The following DIP2B variants were observed in gnomAD, a reference collection of about 807,000 sequenced individuals.
DIP2B encodes DIP2 acetate--CoA ligase B (putative).
Under a neutral mutation model 198.0 loss-of-function variants are expected in DIP2B, and 76 were observed. The observed-to-expected ratio is 0.38, with a 90% CI of 0.32 to 0.46. The LOEUF (loss-of-function observed/expected upper bound fraction) is 0.46. Among genes scored for constraint, DIP2B ranks in the 20% least tolerant of loss-of-function variants. DIP2B has a pLI of 0.99. For synonymous variants in DIP2B, 701 were observed against 739.1 expected (o/e 0.95, Z 0.84); for missense variants, 1,559 against 1,978.4 (o/e 0.79, Z 4.02).
intron 1 of DIP2B, among the ~76,000 whole-genome samples, chr12:50,621,461 A>G (rs1213840216): frequency 1.3e-5 from 2 of 151,918 alleles, no homozygotes; most frequent in Admixed American, 6.6e-5. Context: ...CACCAAGTAC[A>G]CATGTCTGTT....
intron 1 of DIP2B, among the ~76,000 whole-genome samples, chr12:50,527,489 T>C (rs1958177185): frequency 6.6e-6 from 1 of 152,228 alleles, no homozygotes; most frequent in African/African-American, 2.4e-5. Context: ...ATAAAACTTG[T>C]GAAACATCTT....
chr12:50,660,253 T>C lies in DIP2B; in HGVS notation c.361T>C (p.Leu121=). Residue 121 remains leucine (L), a synonymous_variant, in exon 4 of 38, where the codon TTG becomes CTG. Transcript: ENST00000301180. ...LAKHKEQKMA[L]PMPTKRRSTF... ...AAAGCATAAAGAACAGAAGATGGCT[T>C]TGCCCATGCCAACCAAAAGGCGATC... The C allele has an allele frequency of 1.2e-6, 2 of 1,613,550 alleles. No homozygotes were observed. The highest frequency in any genetic ancestry group is 1.7e-6 in the Non-Finnish European group (2 of 1,179,746).
chr12:50,692,322 A>G (rs944429482), intron 13 of DIP2B, among the ~76,000 whole-genome samples: 3 of 151,826 alleles, frequency 2.0e-5, no homozygotes, highest in African/African-American at 7.3e-5. Flanking sequence ...TTTAGGAAGT[A>G]TCTTTTAGGA....
In DIP2B at chr12:50,744,800, T is replaced by G. The variant is rs1940318370; in HGVS notation, c.4692T>G (p.Ala1564=). 6.2e-7 allele frequency: 1 copy of G among 1,614,210 alleles called. No homozygotes were observed. The highest frequency in any genetic ancestry group is 1.3e-5 in the African/African-American group (1 of 75,062). ...QRMHLRDSFL[A]DQLDPIYVAY... ...TGCACCTCCGTGATAGCTTCCTAGC[T>G]GACCAGTTAGACCCCATCTACGTGG... Residue 1564 remains alanine (A), a synonymous_variant, in exon 38 of 38, where the codon GCT becomes GCG. Transcript: ENST00000301180.
chr12:50,508,923 C>T (rs1332440499), intron 1 of DIP2B, among the ~76,000 whole-genome samples: 1 of 152,096 alleles, frequency 6.6e-6, no homozygotes, highest in Admixed American at 6.5e-5. Flanking sequence ...GGGTCTCGAT[C>T]TCCCGACCTC....
At chr12:50,537,447 A>G (rs1437491512) in intron 1 of DIP2B, among the ~76,000 whole-genome samples, 2 of 152,084 alleles carry the variant, frequency 1.3e-5, no homozygotes, top group Non-Finnish European at 2.9e-5. Context: ...GGCGAGTGAT[A>G]GTGTGTTATA....
At chr12:50,598,632 A>G (rs2139437983) in intron 1 of DIP2B, among the ~76,000 whole-genome samples, 1 of 151,164 alleles carries the variant, frequency 6.6e-6, no homozygotes, top group South Asian at 2.1e-4. Context: ...TGAGAATATA[A>G]AACATCTCCT....
In DIP2B at chr12:50,571,479, C is replaced by T. The variant is rs995850167; in HGVS notation, c.101-54497C>T. Reference sequence around the variant, plus strand: ...TGAGCCACCACACCCCGCCTATTGGCAGCCTTTTGAAAGGCTTTGGCTATA... The same window carrying T: ...TGAGCCACCACACCCCGCCTATTGGTAGCCTTTTGAAAGGCTTTGGCTATA... On this transcript the variant is annotated intron_variant, in intron 1 of 37. Transcript: ENST00000301180. Among the ~76,000 whole-genome samples the T allele has an allele frequency of 3.3e-5, 5 of 150,754 alleles. No homozygotes were observed. In the South Asian group the frequency reaches 6.3e-4, roughly 19 times the overall value.
intron 3 of DIP2B, among the ~76,000 whole-genome samples, chr12:50,654,072 C>A (rs1215703343): frequency 6.6e-6 from 1 of 151,950 alleles, no homozygotes; most frequent in Admixed American, 6.6e-5. Flanking sequence ...CGGGGTTTTA[C>A]CTTGTTGGCC....
chr12:50,626,775 T>TTGC (rs1491140326), intron 2 of DIP2B, among the ~76,000 whole-genome samples: 1 of 21,316 alleles, frequency 4.7e-5, no homozygotes, highest in Non-Finnish European at 1.4e-4. Context: ...AACTAATGGC[T>TTGC]TTTTTTTTTT....
chr12:50,621,075 A>C (rs142767339), intron 1 of DIP2B, among the ~76,000 whole-genome samples: 3 of 152,344 alleles, frequency 2.0e-5, no homozygotes, highest in African/African-American at 7.2e-5. Flanking sequence ...AGAATCTTAA[A>C]AATTGGACAA....
chr12:50,551,706 A>G (rs1958428802), intron 1 of DIP2B, among the ~76,000 whole-genome samples: 1 of 152,140 alleles, frequency 6.6e-6, no homozygotes, highest in Non-Finnish European at 1.5e-5. Flanking sequence ...GGCCTCCCAA[A>G]GTCTTGGGAT....
intron 1 of DIP2B, among the ~76,000 whole-genome samples, chr12:50,615,070 T>G (rs780291994): frequency 2.0e-5 from 3 of 152,212 alleles, no homozygotes; most frequent in Admixed American, 6.5e-5. Context: ...GTGATTGGTA[T>G]AGATACTATT....
At chr12:50,710,427 T>C (rs1939594826) in intron 22 of DIP2B, among the ~76,000 whole-genome samples, 1 of 151,686 alleles carries the variant, frequency 6.6e-6, no homozygotes, top group African/African-American at 2.4e-5. Flanking sequence ...CTGTTTTGTT[T>C]TGTTTTTTTT....
intron 30 of DIP2B, among the ~76,000 whole-genome samples, chr12:50,729,711 G>C (rs1940002289): frequency 6.7e-6 from 1 of 149,766 alleles, no homozygotes; most frequent in Non-Finnish European, 1.5e-5. Context: ...TTTCCTTTCT[G>C]TCCTTTTTTC....
intron 4 of DIP2B, among the ~76,000 whole-genome samples, chr12:50,665,940 TTACCAGG>T (rs1424163481): frequency 6.6e-6 from 1 of 152,240 alleles, no homozygotes; most frequent in East Asian, 1.9e-4. Context: ...ACCTGCTGAT[TTACCAGG>T]TTGGGGAGTC....
At chr12:50,692,631 A>G (rs1259803677) in intron 13 of DIP2B, among the ~76,000 whole-genome samples, 3 of 152,124 alleles carry the variant, frequency 2.0e-5, no homozygotes, top group African/African-American at 4.8e-5. Context: ...TGAGGTCAGG[A>G]GTTCAAGACC....
At chr12:50,725,995 A>G (rs913544631) in intron 28 of DIP2B, among the ~76,000 whole-genome samples, 1 of 152,098 alleles carries the variant, frequency 6.6e-6, no homozygotes, top group African/African-American at 2.4e-5. Context: ...ATTTATCACA[A>G]ATGGATTGTG....
At chr12:50,706,246 T>G (rs1939510971) in intron 20 of DIP2B, among the ~76,000 whole-genome samples, 1 of 152,200 alleles carries the variant, frequency 6.6e-6, no homozygotes, top group Non-Finnish European at 1.5e-5. Flanking sequence ...AAATCAGCTA[T>G]GCTTGGGTGG....
Sources: gnomAD v4.1 joint callset for allele counts (sites outside exome capture counted in the v4.1 genomes callset) on GRCh38, gnomAD v4.1.1 for gene constraint, MANE v1.5 for transcripts, NCBI Gene and HGNC (gene_info 2026-07-23, HGNC 2026-07-21) for gene names.